The following EPS8 variants were observed in gnomAD, a reference collection of about 807,000 sequenced individuals.
EPS8 encodes EGFR pathway substrate 8, signaling adaptor.
In EPS8, 42 loss-of-function variants were observed where a neutral mutation model predicts 103.8. The ratio of observed to expected loss-of-function variants is 0.40; its 90% CI spans 0.32 to 0.52. The LOEUF (loss-of-function observed/expected upper bound fraction) is 0.52, where lower values mean the gene tolerates loss of function less well. Ranked by LOEUF, EPS8 falls within the 20% of genes least tolerant of loss-of-function variation. EPS8 has a pLI of 0.40. For missense variants in EPS8, 969 were observed against 1,005.1 expected (o/e 0.96, Z 0.49); for synonymous variants, 344 against 344.6 (o/e 1.00, Z 0.02).
chr12:15,664,085 G>A (rs1449617746), intron 8 of EPS8, among the ~76,000 whole-genome samples: 1 of 148,732 alleles, frequency 6.7e-6, no homozygotes, highest in African/African-American at 2.5e-5. Context: ...CTGTAAACTT[G>A]TCTTATCCTT....
chr12:15,625,485 T>C (rs150922225), intron 18 of EPS8, among the ~76,000 whole-genome samples: 1 of 152,294 alleles, frequency 6.6e-6, no homozygotes, highest in East Asian at 1.9e-4. Context: ...AAAAGTTGCC[T>C]GTACTAGTGG....
At chr12:15,711,033 C>CTTATTTATTTAT (rs143155444) in intron 1 of EPS8, among the ~76,000 whole-genome samples, 15 of 136,506 alleles carry the variant, frequency 1.1e-4, no homozygotes, top group Admixed American at 3.0e-4. Flanking sequence ...CCATGCCAGG[C>CTTATTTATTTAT]TTATTTATTT....
intron 6 of EPS8, among the ~76,000 whole-genome samples, chr12:15,667,363 T>A (rs11612558): frequency 6.6e-6 from 1 of 151,858 alleles, no homozygotes; most frequent in African/African-American, 2.4e-5. Flanking sequence ...GGAGTACTTG[T>A]ATAAAAGGGC....
At position 15,663,372 on chromosome 12, in the gene EPS8, G is replaced by A. The variant is rs551305239; in HGVS notation, c.737-1273C>T. On this transcript the variant is annotated intron_variant, in intron 8 of 20. Coordinates refer to ENST00000281172, the MANE Select transcript of EPS8 (RefSeq NM_004447.6). ...GGTAGATATGCCTCAGGGATTCAAC[G>A]GAGAAGCAGTTCAGCCTGAGTCAGC... Among the ~76,000 whole-genome samples, 26 of 152,098 alleles carry A rather than the reference G, an allele frequency of 1.7e-4. No individual in the cohort carries two copies. In the South Asian group the frequency reaches 3.1e-3, roughly 18 times the overall value.
At chr12:15,686,285 C>T (rs918468042) in intron 1 of EPS8, among the ~76,000 whole-genome samples, 8 of 152,184 alleles carry the variant, frequency 5.3e-5, no homozygotes, top group South Asian at 2.1e-4. Context: ...ATACAAAATA[C>T]GTTAATCAAC....
chr12:15,756,131 T>C (rs1946983996), intron 1 of EPS8, among the ~76,000 whole-genome samples: 1 of 152,236 alleles, frequency 6.6e-6, no homozygotes, highest in Non-Finnish European at 1.5e-5. Context: ...GTTTTTCCTG[T>C]AGCCAGTTAC....
intron 15 of EPS8, among the ~76,000 whole-genome samples, chr12:15,642,941 A>C (rs7298648): frequency 0.91 from 138,815 of 152,168 alleles, 64,047 homozygotes; most frequent in Non-Finnish European, 0.98. Context: ...TAAGCATGTA[A>C]GAACAGCTTA....
intron 12 of EPS8, among the ~76,000 whole-genome samples, chr12:15,656,701 T>C (rs1355474855): frequency 6.6e-6 from 1 of 152,110 alleles, no homozygotes; most frequent in Non-Finnish European, 1.5e-5. Context: ...CAAATTCATA[T>C]ACTCAACGAT....
At chr12:15,632,948 G>C (rs976399288) in intron 17 of EPS8, among the ~76,000 whole-genome samples, 1 of 152,060 alleles carries the variant, frequency 6.6e-6, no homozygotes, top group Non-Finnish European at 1.5e-5. Flanking sequence ...AGTGGGAAGC[G>C]TATTATGAAA....
intron 5 of EPS8, 62 bp from the exon 6 acceptor site, chr12:15,669,598 T>C: frequency 6.4e-7 from 1 of 1,553,902 alleles, no homozygotes. Context: ...CAATCTGAAA[T>C]GATTGTAAAC....
intron 1 of EPS8, among the ~76,000 whole-genome samples, chr12:15,746,805 C>A (rs1368508567): frequency 1.3e-5 from 2 of 152,096 alleles, no homozygotes; most frequent in Admixed American, 6.5e-5. Context: ...CATGGCCCAC[C>A]ATAATTTAGC....
At position 15,734,876 on chromosome 12, in the gene EPS8, T is replaced by C. The variant is rs4763433; in HGVS notation, c.-21-51904A>G. Among the ~76,000 whole-genome samples, 142,204 of 152,260 alleles carry C rather than the reference T, an allele frequency of 0.93. 67,161 individuals are homozygous for C. The highest frequency in any genetic ancestry group is 1 in the East Asian group (5,190 of 5,190). ...CGATGATCTCAATTGATTCTTATAA[T>C]ATGTAAGCTGGAAGGTAAGCAGGGC... On this transcript the variant is annotated intron_variant, in intron 1 of 20. Transcript: ENST00000281172. This position sits in a 1 kb window ranked among gnomAD's most constrained non-coding sequence, Gnocchi z 4.1.
In EPS8 at chr12:15,690,605, TG is replaced by T. The variant is rs1458262245; in HGVS notation, c.-21-7634del. On this transcript the variant is annotated intron_variant, in intron 1 of 20. Transcript: ENST00000281172. This position sits in a 1 kb window ranked among gnomAD's most constrained non-coding sequence, Gnocchi z 4.7. The stretch of plus-strand genomic sequence containing the variant: ...TTGTCTGCTCTATTTTAGTAATACA[TG>T]GTTTTACAGATCCAATGGCCAGCAG... 6.6e-6 allele frequency among the ~76,000 whole-genome samples: 1 copy of T among 152,228 alleles called. No homozygotes were observed. Among genetic ancestry groups the T allele is most frequent in the Non-Finnish European group, 1.5e-5 (1 of 68,030 alleles).
chr12:15,690,644 G>A lies in EPS8; in HGVS notation c.-21-7672C>T, dbSNP rs541552905. ...CAATGGCCAGCAGAATGATTATATG[G>A]GGGAATGTAATTGCTTTCTAACAGA... On this transcript the variant is annotated intron_variant, in intron 1 of 20. Transcript: ENST00000281172. This position sits in a 1 kb window ranked among gnomAD's most constrained non-coding sequence, Gnocchi z 4.7. Among the ~76,000 whole-genome samples, 1 of 152,226 alleles carries A rather than the reference G, an allele frequency of 6.6e-6. No homozygotes were observed. The highest frequency in any genetic ancestry group is 1.9e-4 in the East Asian group (1 of 5,180).
Position 15,716,703 on chromosome 12 carries a change from A to G in EPS8, c.-21-33731T>C, listed in dbSNP as rs757877673. Among the ~76,000 whole-genome samples the G allele has an allele frequency of 1.3e-5, 2 of 152,208 alleles. No individual in the cohort carries two copies. Among genetic ancestry groups the G allele is most frequent in the Non-Finnish European group, 2.9e-5 (2 of 68,028 alleles). ...GTAACTACAAATATAGAGGCAGACAAAATAGGCTGTAACATAATCTGTAAG... is the reference window on the plus strand; with the variant it reads ...GTAACTACAAATATAGAGGCAGACAGAATAGGCTGTAACATAATCTGTAAG... On this transcript the variant is annotated intron_variant, in intron 1 of 20. Coordinates refer to ENST00000281172, the MANE Select transcript of EPS8 (RefSeq NM_004447.6). This position sits in a 1 kb window ranked among gnomAD's most constrained non-coding sequence, Gnocchi z 5.0.
intron 17 of EPS8, among the ~76,000 whole-genome samples, chr12:15,633,610 T>C (rs751995362): frequency 2.0e-5 from 3 of 152,244 alleles, no homozygotes; most frequent in Non-Finnish European, 2.9e-5. Context: ...TGTTACATAA[T>C]GCAACTTTAT....
intron 1 of EPS8, among the ~76,000 whole-genome samples, chr12:15,768,694 A>G (rs1293354915): frequency 6.7e-6 from 1 of 148,296 alleles, no homozygotes. Flanking sequence ...GGCAATCCAC[A>G]CAAATCTACA....
Position 15,701,092 on chromosome 12 carries a change from CTAA to C in EPS8, c.-21-18123_-21-18121del, listed in dbSNP as rs1365256925. Among the ~76,000 whole-genome samples the C allele has an allele frequency of 6.6e-6, 1 of 152,180 alleles. No homozygotes were observed. The highest frequency in any genetic ancestry group is 1.5e-5 in the Non-Finnish European group (1 of 68,040). On this transcript the variant is annotated intron_variant, in intron 1 of 20. Transcript: ENST00000281172. This position sits in a 1 kb window ranked among gnomAD's most constrained non-coding sequence, Gnocchi z 5.1. ...TTATGACTTCAATCTGCTAAATTAACTAATATCTTTGGCTTCAAAATAGTCACT... is the reference window on the plus strand; with the variant it reads ...TTATGACTTCAATCTGCTAAATTAACTATCTTTGGCTTCAAAATAGTCACT...
At chr12:15,677,017 T>C (rs954059804) in intron 3 of EPS8, among the ~76,000 whole-genome samples, 1 of 152,196 alleles carries the variant, frequency 6.6e-6, no homozygotes, top group African/African-American at 2.4e-5. Context: ...GGGAGTGACA[T>C]ATGGAATATA....
Sources: allele counts gnomAD v4.1 joint callset (sites outside exome capture counted in the v4.1 genomes callset), GRCh38; gene constraint gnomAD v4.1.1; non-coding constraint Gnocchi (gnomAD v3.1); transcripts MANE v1.5; gene names NCBI Gene and HGNC (gene_info 2026-07-23, HGNC 2026-07-21).